EIF2B2: variants seen among roughly 807,000 people sequenced by gnomAD.
The protein encoded by EIF2B2 is translation initiation factor eIF2B subunit beta.
In EIF2B2, 34 loss-of-function variants were observed where a neutral mutation model predicts 34.7. That is an observed-to-expected ratio of 0.98 (90% CI 0.75 to 1.31). The LOEUF is 1.31. Ranked by LOEUF, EIF2B2 falls within the 50% of genes most tolerant of loss-of-function variation. EIF2B2 has a pLI of 0.00. For missense variants in EIF2B2, 361 were observed against 447.7 expected, an observed-to-expected ratio of 0.81 and a Z score of 1.75; for synonymous variants, 155 against 171.6, an observed-to-expected ratio of 0.90 and a Z score of 0.76.
Position 75,003,096 on chromosome 14 carries a change from C to T in EIF2B2, c.106C>T (p.Arg36Trp). Residue 36 changes from arginine to tryptophan, a missense_variant, in exon 1 of 8, where the codon CGG becomes TGG. Coordinates refer to ENST00000266126, the MANE Select transcript of EIF2B2 (RefSeq NM_014239.4). ...GCCGCGCAGCTCCGAGGAAATGGCT[C>T]GGGAGACCCTAGGGTTGCTGCGCCA... Reference protein sequence around the residue: ...GGPRSSEEMARETLGLLRQII... With the variant: ...GGPRSSEEMAWETLGLLRQII... 6.2e-7 allele frequency: 1 copy of T among 1,613,868 alleles called. No individual in the cohort carries two copies. The highest frequency in any genetic ancestry group is 2.2e-5 in the East Asian group (1 of 44,874).
intron 6 of EIF2B2, chr14:75,007,498 C>T (rs923542018): frequency 1.1e-5 from 5 of 446,144 alleles, no homozygotes; most frequent in South Asian, 4.4e-5. Flanking sequence ...AATTTCCTTT[C>T]GAGGCTGAAT....
At chr14:75,005,728 G>A (rs1283885116) in intron 4 of EIF2B2, 138 bp from the exon 5 acceptor site, 5 of 733,942 alleles carry the variant, frequency 6.8e-6, no homozygotes, top group African/African-American at 5.2e-5. Flanking sequence ...TCAGTTGTCC[G>A]AAAAATGAGT....
chr14:75,006,582 C>T lies in EIF2B2; in HGVS notation c.699C>T (p.Ile233=). 1.2e-6 allele frequency: 2 copies of T among 1,614,028 alleles called. No individual in the cohort carries two copies. The change falls in exon 6 of 8, where the codon ATC becomes ATT. Residue 233 remains isoleucine, a synonymous_variant. Coordinates refer to ENST00000266126, the MANE Select transcript of EIF2B2 (RefSeq NM_014239.4). The surrounding 1 kb of genome is among the most constrained non-coding windows in gnomAD (Gnocchi z 4.1). ...FAVMSRVNKV[I]IGTKTILANG... The stretch of plus-strand genomic sequence containing the variant: ...TTTTTTGTCTTGTCCCAAAGGTGAT[C>T]ATTGGCACGAAGACCATCCTGGCCA...
At chr14:75,008,300 T>TA (rs1889656705) in intron 7 of EIF2B2, 1 of 191,654 alleles carries the variant, frequency 5.2e-6, no homozygotes, top group Admixed American at 5.3e-5. Flanking sequence ...AGGGTGGCCT[T>TA]ACACACCATC....
chr14:75,003,651 C>T lies in EIF2B2; in HGVS notation c.385C>T (p.Leu129Phe), dbSNP rs1889576878. The change falls in exon 3 of 8, where the codon CTC becomes TTC. Residue 129 changes from leucine to phenylalanine, a missense_variant. By Grantham distance (22) the Leu-to-Phe change is conservative. Coordinates refer to ENST00000266126, the MANE Select transcript of EIF2B2 (RefSeq NM_014239.4). ...NEDFSFHYAQ[L>F]QSNIIEAINE... The stretch of plus-strand genomic sequence containing the variant: ...GGATTTCAGCTTCCATTATGCCCAA[C>T]TCCAGTCCAACATCATTGAGGCGAT... The T allele has an allele frequency of 6.2e-7, 1 of 1,614,106 alleles. No individual in the cohort carries two copies. The highest frequency in any genetic ancestry group is 1.3e-5 in the African/African-American group (1 of 74,936).
In EIF2B2 at chr14:75,011,434, GA is replaced by G. The variant is rs1889702874; in HGVS notation, c.*2248del. 5 of 152,334 alleles carry G rather than the reference GA, an allele frequency of 3.3e-5. No homozygotes were observed. The South Asian group carries it at 1.0e-3, about 32-fold the overall frequency. 9.4% of individuals were successfully genotyped at this position (152,334 alleles called of 1,614,324 possible). ...TCTGTGTGGGTGGAGGGAGCACTAA[GA>G]ATCTGCATGTTTAACAAATAGCCTG... On this transcript the variant is annotated 3_prime_UTR_variant, in exon 8 of 8. Transcript: ENST00000266126.
chr14:75,005,567 G>A (rs17102954), intron 4 of EIF2B2, among the ~76,000 whole-genome samples: 4,169 of 152,212 alleles, frequency 0.027, 219 homozygotes, highest in African/African-American at 0.095. Context: ...AATGAGCCAG[G>A]AGCTATCTTG....
Position 75,005,689 on chromosome 14 carries a change from G to A in EIF2B2, c.598-177G>A, listed in dbSNP as rs115053829. ...TTAGCTTCCCCTGGGCTTCCCTACA[G>A]CTTACCAGAGCTATGAGAGTCTGAA... is the stretch of plus-strand genomic sequence containing the variant. On this transcript the variant is annotated intron_variant, in intron 4 of 7. Coordinates refer to ENST00000266126, the MANE Select transcript of EIF2B2 (RefSeq NM_014239.4). 9.4e-3 allele frequency among the ~76,000 whole-genome samples: 1,433 copies of A among 152,288 alleles called. 24 individuals carry two copies. Among genetic ancestry groups the A allele is most frequent in the African/African-American group, 0.031 (1,298 of 41,562 alleles).
At chr14:75,003,187 C>A (rs755230776) in intron 1 of EIF2B2, 34 bp downstream of exon 1, 13 of 1,613,142 alleles carry the variant, frequency 8.1e-6, no homozygotes, top group South Asian at 1.1e-5. Context: ...GCGAACCTGG[C>A]CCCTGTCTGT....
Position 75,003,591 on chromosome 14 carries a change from C to T in EIF2B2, c.325C>T (p.Leu109=), listed in dbSNP as rs370483997. Residue 109 remains leucine (L), a synonymous_variant, in exon 3 of 8, where the codon CTG becomes TTG. Coordinates refer to ENST00000266126, the MANE Select transcript of EIF2B2 (RefSeq NM_014239.4). ...CGACGAGAGTGATCAGCAGGAGTCC[C>T]TGCACAAACTGTTGACATCCGGAGG... ...RSDESDQQES[L]HKLLTSGGLN... 18 of 1,614,076 alleles carry T rather than the reference C, an allele frequency of 1.1e-5. No individual in the cohort carries two copies. The African/African-American group carries it at 2.3e-4, about 20-fold the overall frequency.
chr14:75,004,689 A>ATATATATATATATATATTTTTTTTTTT, intron 3 of EIF2B2, 48 bp from the exon 4 acceptor site: 1 of 146,204 alleles, frequency 6.8e-6, no homozygotes, highest in African/African-American at 7.2e-5. Flanking sequence ...ATATATATAT[A>ATATATATATATATATATTTTTTTTTTT]TTTTTTTTTT....
At position 75,003,650 on chromosome 14, in the gene EIF2B2, A is replaced by G. The variant is rs372174903; in HGVS notation, c.384A>G (p.Gln128=). The change falls in exon 3 of 8, where the codon CAA becomes CAG. Residue 128 remains glutamine (Q), a synonymous_variant. Transcript: ENST00000266126. ...LNEDFSFHYA[Q]LQSNIIEAIN... ...AGGATTTCAGCTTCCATTATGCCCA[A>G]CTCCAGTCCAACATCATTGAGGCGA... 5 of 1,613,988 alleles carry G rather than the reference A, an allele frequency of 3.1e-6. No homozygotes were observed. In the African/African-American group the frequency reaches 4.0e-5, roughly 13 times the overall value.
chr14:75,006,345 G>C lies in EIF2B2; in HGVS notation c.694-232G>C, dbSNP rs779797754. The C allele has an allele frequency of 1.6e-6, 1 of 614,458 alleles. No individual in the cohort carries two copies. The highest frequency in any genetic ancestry group is 2.8e-6 in the Non-Finnish European group (1 of 355,582). 38.1% of individuals were successfully genotyped at this position (614,458 alleles called of 1,614,324 possible). On this transcript the variant is annotated intron_variant, in intron 5 of 7. Coordinates refer to ENST00000266126, the MANE Select transcript of EIF2B2 (RefSeq NM_014239.4). This position sits in a 1 kb window ranked among gnomAD's most constrained non-coding sequence, Gnocchi z 4.1. Reference sequence around the variant, plus strand: ...GGCATCTCAATTTCCAGAAAATATGGGACTGAGAGCAGTAGGTTTTGCAGT... The same window carrying C: ...GGCATCTCAATTTCCAGAAAATATGCGACTGAGAGCAGTAGGTTTTGCAGT...
At position 75,004,908 on chromosome 14, in the gene EIF2B2, G is replaced by C; in HGVS notation, c.597+8G>C. The C allele has an allele frequency of 6.2e-7, 1 of 1,610,154 alleles. No homozygotes were observed. The highest frequency in any genetic ancestry group is 8.5e-7 in the Non-Finnish European group (1 of 1,177,924). The stretch of plus-strand genomic sequence containing the variant: ...TGTGCTCCTTTCTGCCAGGTAAGGA[G>C]ACTGCTGGAGTTGCTACTAAGAAAA... On this transcript the variant is annotated splice_region_variant and intron_variant, in intron 4 of 7. Transcript: ENST00000266126.
chr14:75,005,799 C>A (rs3742781), intron 4 of EIF2B2, 67 bp from the exon 5 acceptor site: 3 of 1,200,320 alleles, frequency 2.5e-6, no homozygotes, highest in Non-Finnish European at 3.7e-6. Flanking sequence ...GATCCAGTTA[C>A]ATTTGAGAGC....
At chr14:75,004,691 T>TA (rs1566872954) in intron 3 of EIF2B2, 46 bp from the exon 4 acceptor site, 487 of 62,350 alleles carry the variant, frequency 7.8e-3, no homozygotes, top group Non-Finnish European at 8.2e-3. Flanking sequence ...ATATATATAT[T>TA]TTTTTTTTTT....
rs760505435 is a variant in EIF2B2 at position 75,006,544 on chromosome 14, A to G, written c.694-33A>G. 3.1e-6 allele frequency: 5 copies of G among 1,612,014 alleles called. 1 individual carries two copies. The Admixed American group carries it at 8.3e-5, about 27-fold the overall frequency. On this transcript the variant is annotated intron_variant, in intron 5 of 7. Transcript: ENST00000266126. The surrounding 1 kb of genome is among the most constrained non-coding windows in gnomAD (Gnocchi z 4.1). ...GTGGCCCTTTTAGGGCTCCACCCCC[A>G]GGATGGCTCACATTTTTTGTCTTGT...
Position 75,003,576 on chromosome 14 carries a change from G to T in EIF2B2, c.310G>T (p.Asp104Tyr), listed in dbSNP as rs1388931403. ...GRLHGRSDES[D>Y]QQESLHKLLT... ...ACTCCATGGACGCAGCGACGAGAGT[G>T]ATCAGCAGGAGTCCCTGCACAAACT... is the stretch of plus-strand genomic sequence containing the variant. Residue 104 changes from aspartate (D) to tyrosine (Y), a missense_variant, in exon 3 of 8, where the codon GAT (aspartate) becomes TAT (tyrosine). Transcript: ENST00000266126. 1 of 1,614,076 alleles carries T rather than the reference G, an allele frequency of 6.2e-7. No homozygotes were observed. The highest frequency in any genetic ancestry group is 1.3e-5 in the African/African-American group (1 of 74,910).
In EIF2B2 at chr14:75,009,213, T is replaced by C. The variant is rs776033447; in HGVS notation, c.*25T>C. The stretch of plus-strand genomic sequence containing the variant: ...ACCGACCACACGTGTCCTAAGCAGA[T>C]TGCTTAGGCAGATACAGAATGAAGA... On this transcript the variant is annotated 3_prime_UTR_variant, in exon 8 of 8. Coordinates refer to ENST00000266126, the MANE Select transcript of EIF2B2 (RefSeq NM_014239.4). 4.3e-6 allele frequency: 7 copies of C among 1,612,926 alleles called. No individual in the cohort carries two copies. Among genetic ancestry groups the C allele is most frequent in the Non-Finnish European group, 5.1e-6 (6 of 1,179,194 alleles).
Sources: gnomAD v4.1 joint callset for allele counts (sites outside exome capture counted in the v4.1 genomes callset) on GRCh38, gnomAD v4.1.1 for gene constraint, Gnocchi (gnomAD v3.1) non-coding constraint, MANE v1.5 for transcripts, NCBI Gene and HGNC (gene_info 2026-07-23, HGNC 2026-07-21) for gene names.